Variants in SYNE1 observed in about 807,000 individuals in gnomAD.
SYNE1 encodes the protein spectrin repeat containing nuclear envelope protein 1.
SYNE1 carries 616 observed loss-of-function variants against 1,111.0 expected under a neutral mutation model. The ratio of observed to expected loss-of-function variants is 0.55; its 90% CI spans 0.52 to 0.59. The LOEUF (loss-of-function observed/expected upper bound fraction) is 0.59, where lower values mean the gene tolerates loss of function less well. Ranked by LOEUF, SYNE1 falls within the 20% of genes least tolerant of loss-of-function variation. The pLI is 0.00. For missense variants in SYNE1, 10,006 were observed against 10,417.0 expected (o/e 0.96, Z 1.72); for synonymous variants, 3,855 against 3,825.8 (o/e 1.01, Z -0.28).
chr6:152,236,498 ATT>A (rs71784634), intron 109 of SYNE1, among the ~76,000 whole-genome samples, 195 bp from the exon 110 acceptor site: 1 of 149,298 alleles, frequency 6.7e-6, no homozygotes, highest in Non-Finnish European at 1.5e-5. Flanking sequence ...GTTGTTTATT[ATT>A]TTTTTTTTGG....
chr6:152,411,963 T>C lies in SYNE1; in HGVS notation c.6230+1389A>G, dbSNP rs375449980. Among the ~76,000 whole-genome samples, 145 of 152,284 alleles carry C rather than the reference T, an allele frequency of 9.5e-4. 1 individual carries two copies. In the South Asian group the frequency reaches 0.018, roughly 19 times the overall value. On this transcript the variant is annotated intron_variant, in intron 42 of 145. Coordinates refer to ENST00000367255, the MANE Select transcript of SYNE1 (RefSeq NM_182961.4). ...AATCCAGAGTCTCACTTTTAGATTA[T>C]TTACCCAAATGAAATAAAAACTTAC...
At chr6:152,347,542 T>A (rs1014415711) in intron 72 of SYNE1, among the ~76,000 whole-genome samples, 1 of 152,132 alleles carries the variant, frequency 6.6e-6, no homozygotes, top group African/African-American at 2.4e-5. Context: ...GACAAAAAGA[T>A]GTCCCTATAT....
At chr6:152,501,456 C>T (rs1056449579) in intron 10 of SYNE1, among the ~76,000 whole-genome samples, 44 of 152,066 alleles carry the variant, frequency 2.9e-4, no homozygotes, top group African/African-American at 9.7e-4. Context: ...GAATCTTGGC[C>T]AGGCGTGGTG....
rs538280977 is a variant in SYNE1 at position 152,541,577 on chromosome 6, C to T, written c.68-1556G>A. On this transcript the variant is annotated intron_variant, in intron 3 of 145. Transcript: ENST00000367255. ...TCCTGGCTAACACGGTGAAACCCTG[C>T]CTCTACTAAAAATACAAAAAATTAG... 1.0e-3 allele frequency among the ~76,000 whole-genome samples: 151 copies of T among 151,652 alleles called. 2 individuals carry two copies. Among genetic ancestry groups the T allele is most frequent in the African/African-American group, 3.4e-3 (140 of 41,356 alleles).
chr6:152,524,531 C>T (rs2099154574), intron 5 of SYNE1, among the ~76,000 whole-genome samples: 1 of 151,796 alleles, frequency 6.6e-6, no homozygotes. Context: ...CTAATGACTC[C>T]CACAACCTAA....
intron 3 of SYNE1, among the ~76,000 whole-genome samples, chr6:152,576,005 T>C (rs945512183): frequency 6.6e-6 from 1 of 152,258 alleles, no homozygotes; most frequent in Non-Finnish European, 1.5e-5. Context: ...AAGAACAAAG[T>C]GGACCTCGGC....
intron 3 of SYNE1, among the ~76,000 whole-genome samples, chr6:152,543,255 C>A (rs2099280802): frequency 6.6e-6 from 1 of 151,992 alleles, no homozygotes; most frequent in Admixed American, 6.6e-5. Flanking sequence ...TCCTTTTTTA[C>A]TATGGTTGCA....
intron 4 of SYNE1, among the ~76,000 whole-genome samples, chr6:152,529,255 T>C (rs2099183266): frequency 6.6e-6 from 1 of 152,234 alleles, no homozygotes; most frequent in African/African-American, 2.4e-5. Flanking sequence ...TTGTATGTAG[T>C]CTATAGAAGG....
chr6:152,373,430 C>T (rs62426391), intron 58 of SYNE1, among the ~76,000 whole-genome samples: 2,029 of 152,158 alleles, frequency 0.013, 25 homozygotes, highest in Middle Eastern at 0.027. Context: ...CAGGTGCATG[C>T]TGCCACACCC....
intron 9 of SYNE1, among the ~76,000 whole-genome samples, chr6:152,504,230 T>A (rs1235246795): frequency 6.6e-6 from 1 of 152,128 alleles, no homozygotes; most frequent in African/African-American, 2.4e-5. Flanking sequence ...CCCTTTGATA[T>A]CCTAGTGAAA....
intron 96 of SYNE1, among the ~76,000 whole-genome samples, chr6:152,282,193 G>A (rs1031983006): frequency 1.3e-5 from 2 of 152,154 alleles, no homozygotes; most frequent in Non-Finnish European, 1.5e-5. Flanking sequence ...ACTCCCTAGT[G>A]ATTTTAATGT....
At chr6:152,214,766 G>A (rs1028243832) in intron 122 of SYNE1, 140 bp downstream of exon 122, 13 of 1,161,976 alleles carry the variant, frequency 1.1e-5, no homozygotes, top group African/African-American at 6.1e-5. Context: ...CCTTGACTGC[G>A]GACTTCCCAG....
intron 39 of SYNE1, among the ~76,000 whole-genome samples, chr6:152,420,804 AC>A (rs1437471732): frequency 2.0e-5 from 3 of 152,146 alleles, no homozygotes; most frequent in East Asian, 3.8e-4. Context: ...AGTCAAGATA[AC>A]TTTTTTTTCT....
intron 84 of SYNE1, 66 bp downstream of exon 84, chr6:152,321,172 T>A (rs2095861532): frequency 1.3e-6 from 2 of 1,576,566 alleles, no homozygotes; most frequent in Non-Finnish European, 1.7e-6. Flanking sequence ...AATCAAGAAC[T>A]CTCACACAAG....
chr6:152,372,981 C>T (rs1255451504), intron 59 of SYNE1, 56 bp downstream of exon 59: 1 of 1,569,326 alleles, frequency 6.4e-7, no homozygotes, highest in African/African-American at 1.4e-5. Flanking sequence ...ATTTCACTAA[C>T]AACAACAACA....
chr6:152,185,850 G>A (rs2763014), intron 128 of SYNE1, among the ~76,000 whole-genome samples: 9,543 of 152,174 alleles, frequency 0.063, 468 homozygotes, highest in African/African-American at 0.14. Flanking sequence ...ATTAATAATA[G>A]CAATAATTCC....
At chr6:152,525,860 C>T (rs1313204673) in intron 5 of SYNE1, among the ~76,000 whole-genome samples, 2 of 152,160 alleles carry the variant, frequency 1.3e-5, no homozygotes, top group Non-Finnish European at 2.9e-5. Flanking sequence ...TTATTATAAA[C>T]ATAACATTTT....
Position 152,483,136 on chromosome 6 carries a change from C to T in SYNE1, c.1299G>A (p.Gln433=), listed in dbSNP as rs1224893756. 8.1e-6 allele frequency: 13 copies of T among 1,614,108 alleles called. No individual in the cohort carries two copies. In the East Asian group the frequency reaches 8.9e-5, roughly 11 times the overall value. Residue 433 remains glutamine, a synonymous_variant, in exon 14 of 146, where the codon CAG becomes CAA. Coordinates refer to ENST00000367255, the MANE Select transcript of SYNE1 (RefSeq NM_182961.4). Reference sequence around the variant, plus strand: ...TCGTGTTTGCTGTTTCCTCGTGGACCTGTTGAACGGTTATTTCCTCTCTCA... The same window carrying T: ...TCGTGTTTGCTGTTTCCTCGTGGACTTGTTGAACGGTTATTTCCTCTCTCA... ...VALREEITVQ[Q]VHEETANTIQ... is the part of the protein sequence containing the mutation.
At chr6:152,533,885 A>C (rs942640177) in intron 4 of SYNE1, among the ~76,000 whole-genome samples, 49 of 152,252 alleles carry the variant, frequency 3.2e-4, no homozygotes, top group African/African-American at 1.1e-3. Context: ...CTGGTTGGGC[A>C]CGGTGGCTTA....
Sources: allele counts gnomAD v4.1 joint callset (sites outside exome capture counted in the v4.1 genomes callset), GRCh38; gene constraint gnomAD v4.1.1; transcripts MANE v1.5; gene names NCBI Gene and HGNC (gene_info 2026-07-23, HGNC 2026-07-21).